The following OSCP1 variants were observed in gnomAD, a reference collection of about 807,000 sequenced individuals.
OSCP1 encodes the protein protein OSCP1.
Under a neutral mutation model 45.1 loss-of-function variants are expected in OSCP1, and 35 were observed. That is an observed-to-expected ratio of 0.78 (90% CI 0.59 to 1.03). OSCP1 has a LOEUF of 1.03. OSCP1 is among the 50% of genes least tolerant of loss of function. The pLI is 0.00. For synonymous variants in OSCP1, 179 were observed against 180.1 expected (o/e 0.99, Z 0.05); for missense variants, 400 against 470.7 (o/e 0.85, Z 1.39).
intron 4 of OSCP1, among the ~76,000 whole-genome samples, chr1:36,425,515 A>T (rs940028540): frequency 6.6e-6 from 1 of 151,926 alleles, no homozygotes; most frequent in African/African-American, 2.4e-5. Context: ...CGGGAGGATC[A>T]TGAGGTCAGG....
intron 4 of OSCP1, 38 bp downstream of exon 4, chr1:36,431,764 C>T (rs1648375416): frequency 6.3e-7 from 1 of 1,598,332 alleles, no homozygotes; most frequent in African/African-American, 1.3e-5. Flanking sequence ...CCTGGTACAG[C>T]AGCTCCTGAG....
chr1:36,443,771 G>A (rs1367711153), intron 1 of OSCP1, among the ~76,000 whole-genome samples: 1 of 152,248 alleles, frequency 6.6e-6, no homozygotes, highest in Admixed American at 6.5e-5. Context: ...CTCAAGTACA[G>A]TGTGGCTTTT....
At chr1:36,425,470 C>T (rs994671965) in intron 4 of OSCP1, among the ~76,000 whole-genome samples, 4 of 152,126 alleles carry the variant, frequency 2.6e-5, no homozygotes, top group African/African-American at 9.7e-5. Context: ...TACAGTGGCT[C>T]ACGCCAGTAA....
In OSCP1 at chr1:36,450,244, C is replaced by G; in HGVS notation, c.112+14G>C. On this transcript the variant is annotated intron_variant, in intron 1 of 9. Transcript: ENST00000235532. ...TGGCTGCGGGTCTGGCTGAGCGGGC[C>G]GGGGGCCTCTCACCTTTGCGGGCCT... The G allele has an allele frequency of 6.2e-7, 1 of 1,607,444 alleles. No homozygotes were observed.
At chr1:36,421,128 A>G (rs1647593959) in intron 7 of OSCP1, among the ~76,000 whole-genome samples, 1 of 151,894 alleles carries the variant, frequency 6.6e-6, no homozygotes, top group South Asian at 2.1e-4. Flanking sequence ...CTCCACCACC[A>G]GTTACCTAAA....
Position 36,420,469 on chromosome 1 carries a change from A to C in OSCP1, c.959+7T>G, listed in dbSNP as rs377130296. 2 of 1,612,328 alleles carry C rather than the reference A, an allele frequency of 1.2e-6. No individual in the cohort carries two copies. Among genetic ancestry groups the C allele is most frequent in the African/African-American group, 2.7e-5 (2 of 74,762 alleles). On this transcript the variant is annotated splice_region_variant and intron_variant, in intron 8 of 9. Coordinates refer to ENST00000235532, the MANE Select transcript of OSCP1 (RefSeq NM_145047.5). ...TATGTCTTTAACGAAACAGGTTTAA[A>C]ACATACTCCTCTTCTTCATCGGTGG... is the stretch of plus-strand genomic sequence containing the variant.
At chr1:36,430,177 G>A (rs1204404493) in intron 4 of OSCP1, among the ~76,000 whole-genome samples, 1 of 151,662 alleles carries the variant, frequency 6.6e-6, no homozygotes, top group Non-Finnish European at 1.5e-5. Context: ...CAAATATCTG[G>A]GAATACAGAC....
chr1:36,420,830 T>G (rs987723932), intron 7 of OSCP1, among the ~76,000 whole-genome samples: 8 of 152,180 alleles, frequency 5.3e-5, no homozygotes, highest in Non-Finnish European at 1.2e-4. Context: ...AACCAGAGAT[T>G]TTCATACTTT....
At position 36,422,810 on chromosome 1, in the gene OSCP1, A is replaced by T; in HGVS notation, c.707T>A (p.Phe236Tyr). ...NYVPAPKEGS[F>Y]ELYGDRVLKL... Reference sequence around the variant, plus strand: ...CAGGACTCGGTCTCCATAAAGTTCAAAAGAACCTTCTTTGGGTGCAGGGAC... The same window carrying T: ...CAGGACTCGGTCTCCATAAAGTTCATAAGAACCTTCTTTGGGTGCAGGGAC... The change falls in exon 6 of 10, where the codon TTT (phenylalanine) becomes TAT (tyrosine). Residue 236 changes from phenylalanine (F) to tyrosine (Y), a missense_variant. By Grantham distance (22) the Phe-to-Tyr change is conservative. Coordinates refer to ENST00000235532, the MANE Select transcript of OSCP1 (RefSeq NM_145047.5). 6.2e-7 allele frequency: 1 copy of T among 1,606,826 alleles called. No homozygotes were observed. The highest frequency in any genetic ancestry group is 8.5e-7 in the Non-Finnish European group (1 of 1,175,944).
At chr1:36,426,529 A>C (rs979305575) in intron 4 of OSCP1, among the ~76,000 whole-genome samples, 2 of 151,952 alleles carry the variant, frequency 1.3e-5, no homozygotes, top group East Asian at 1.9e-4. Flanking sequence ...GATGTACCTC[A>C]AATTCCCCCT....
chr1:36,418,481 A>G lies in OSCP1; in HGVS notation c.1024-226T>C. On this transcript the variant is annotated intron_variant, in intron 9 of 9. Transcript: ENST00000235532. ...GTGACCAAGCATCCCTGGCTGCTACAGAATAGCAGATGGGTATAGTTAAGA... is the reference window on the plus strand; with the variant it reads ...GTGACCAAGCATCCCTGGCTGCTACGGAATAGCAGATGGGTATAGTTAAGA... 8.5e-6 allele frequency: 5 copies of G among 586,566 alleles called. No individual in the cohort carries two copies. In the South Asian group the frequency reaches 1.0e-4, roughly 12 times the overall value. 36.3% of individuals were successfully genotyped at this position (586,566 alleles called of 1,614,324 possible).
At chr1:36,432,841 A>G (rs1002912831) in intron 2 of OSCP1, among the ~76,000 whole-genome samples, 1 of 152,186 alleles carries the variant, frequency 6.6e-6, no homozygotes, top group African/African-American at 2.4e-5. Context: ...TGGTCACCTG[A>G]TGTGTATTGT....
chr1:36,438,714 C>T, intron 2 of OSCP1, 42 bp downstream of exon 2: 2 of 1,567,588 alleles, frequency 1.3e-6, no homozygotes, highest in Non-Finnish European at 1.7e-6. Context: ...ACAAAAGGTA[C>T]AAAAAATGCA....
intron 1 of OSCP1, among the ~76,000 whole-genome samples, chr1:36,446,156 G>A (rs1649520817): frequency 6.6e-6 from 1 of 151,852 alleles, no homozygotes; most frequent in Non-Finnish European, 1.5e-5. Flanking sequence ...CTGAGTCGCT[G>A]GGATTACAGG....
chr1:36,449,302 G>A (rs1649730933), intron 1 of OSCP1, among the ~76,000 whole-genome samples: 1 of 152,150 alleles, frequency 6.6e-6, no homozygotes, highest in South Asian at 2.1e-4. Context: ...GTTCTGAGTC[G>A]TCATTTTTCT....
At chr1:36,420,142 A>ATTT (rs879625733) in intron 8 of OSCP1, among the ~76,000 whole-genome samples, 1 of 138,496 alleles carries the variant, frequency 7.2e-6, no homozygotes, top group Admixed American at 7.2e-5. Context: ...CACCCAGCTA[A>ATTT]TTTTTTTTTT....
chr1:36,429,535 A>ATTTTTTTTTTTT lies in OSCP1; in HGVS notation c.516+2255_516+2266dup, dbSNP rs200043573. On this transcript the variant is annotated intron_variant, in intron 4 of 9. Transcript: ENST00000235532. ...CACATTCAAAATTCAGAAGCTTAGA[A>ATTTTTTTTTTTT]TTTTTTTTTTTTTTTTTTTTTTTTT... 2.0e-3 allele frequency among the ~76,000 whole-genome samples: 196 copies of ATTTTTTTTTTTT among 100,286 alleles called. 17 individuals are homozygous for ATTTTTTTTTTTT. Among genetic ancestry groups the ATTTTTTTTTTTT allele is most frequent in the African/African-American group, 5.8e-3 (138 of 23,882 alleles). 65.8% of individuals were successfully genotyped at this position (100,286 alleles called of 152,430 possible). A position where few individuals can be genotyped will look rare whatever the true frequency, so the allele number is the denominator to read the frequency against.
chr1:36,439,049 T>C, intron 1 of OSCP1, 139 bp from the exon 2 acceptor site: 1 of 850,172 alleles, frequency 1.2e-6, no homozygotes, highest in Non-Finnish European at 1.7e-6. Context: ...ATCAGCTCCC[T>C]GAGGGGACCA....
chr1:36,441,302 T>A (rs377266490), intron 1 of OSCP1, among the ~76,000 whole-genome samples: 1 of 152,102 alleles, frequency 6.6e-6, no homozygotes, highest in African/African-American at 2.4e-5. Flanking sequence ...TGTCTTACAA[T>A]TTGCTTCACC....
Sources: gnomAD v4.1 joint callset for allele counts (sites outside exome capture counted in the v4.1 genomes callset) on GRCh38, gnomAD v4.1.1 for gene constraint, MANE v1.5 for transcripts, NCBI Gene and HGNC (gene_info 2026-07-23, HGNC 2026-07-21) for gene names.